Variants in ZNF487 observed in about 807,000 individuals in gnomAD.
ZNF487 encodes the protein KRAB domain only 1.
In ZNF487, 4 loss-of-function variants were observed where a neutral mutation model predicts 3.0. That is an observed-to-expected ratio of 1.35 (90% CI 0.66 to 3.08). The LOEUF is 3.08. ZNF487 is among the 30% of genes most tolerant of loss of function. The pLI, the probability that ZNF487 is intolerant of heterozygous loss-of-function variation, is 0.01. For synonymous variants in ZNF487, 55 were observed against 34.6 expected (o/e 1.59, Z -2.06); for missense variants, 146 against 98.7 (o/e 1.48, Z -2.03).
intron 1 of ZNF487, among the ~76,000 whole-genome samples, chr10:43,440,140 C>A (rs1839545274): frequency 6.6e-6 from 1 of 151,122 alleles, no homozygotes; most frequent in Non-Finnish European, 1.5e-5. Context: ...CCTCTGCCTG[C>A]CCGGCTCAAG....
the ZNF487 span, among the ~76,000 whole-genome samples, chr10:43,490,655 G>C: frequency 7.0e-6 from 1 of 143,476 alleles, no homozygotes; most frequent in Non-Finnish European, 1.5e-5. Context: ...GATTACAGGT[G>C]CCCGCCACCA....
intron 3 of ZNF487, among the ~76,000 whole-genome samples, chr10:43,479,926 G>C (rs1841247431): frequency 6.6e-6 from 1 of 151,786 alleles, no homozygotes; most frequent in South Asian, 2.1e-4. Flanking sequence ...AAAGTGCTGG[G>C]ATTACAGGTG....
In ZNF487 at chr10:43,482,481, C is replaced by T. The variant is rs574682489; in HGVS notation, c.*559C>T. ...CTTGCAGTACATCAAAGAACACACA[C>T]GGGACAAAACCTATGAATGTAATGA... On this transcript the variant is annotated 3_prime_UTR_variant, in exon 4 of 4. Transcript: ENST00000437590. 4.3e-3 allele frequency: 2,028 copies of T among 471,742 alleles called. 8 individuals carry two copies. Among genetic ancestry groups the T allele is most frequent in the Non-Finnish European group, 5.1e-3 (1,173 of 230,894 alleles). 29.2% of individuals were successfully genotyped at this position (471,742 alleles called of 1,614,324 possible). A position where few individuals can be genotyped will look rare whatever the true frequency, so the allele number is the denominator to read the frequency against.
At chr10:43,518,181 A>G in the ZNF487 span, among the ~76,000 whole-genome samples, 3 of 152,210 alleles carry the variant, frequency 2.0e-5, no homozygotes, top group African/African-American at 4.8e-5. Context: ...ACCTCACCTG[A>G]ACACACCTTT....
At chr10:43,521,219 A>G in the ZNF487 span, among the ~76,000 whole-genome samples, 8 of 152,198 alleles carry the variant, frequency 5.3e-5, no homozygotes, top group East Asian at 1.5e-3. Flanking sequence ...CATTTTTGTT[A>G]GCTAATCCAT....
At chr10:43,464,574 CTT>C (rs1488050234) in intron 1 of ZNF487, among the ~76,000 whole-genome samples, 2 of 152,206 alleles carry the variant, frequency 1.3e-5, no homozygotes, top group African/African-American at 2.4e-5. Context: ...GGTGATGACT[CTT>C]GATGAGCATG....
At chr10:43,437,414 G>C (rs947639971) in intron 1 of ZNF487, among the ~76,000 whole-genome samples, 152 bp downstream of exon 1, 1 of 152,236 alleles carries the variant, frequency 6.6e-6, no homozygotes, top group East Asian at 1.9e-4. Context: ...GAGGATCTTT[G>C]ACCCCAGTGC....
chr10:43,508,275 T>C, the ZNF487 span, among the ~76,000 whole-genome samples: 1 of 152,168 alleles, frequency 6.6e-6, no homozygotes, highest in Non-Finnish European at 1.5e-5. Context: ...ATGAGCAGAA[T>C]AAAAAGAACT....
intron 2 of ZNF487, 127 bp from the exon 3 acceptor site, chr10:43,475,980 G>A (rs1841085944): frequency 1.5e-6 from 1 of 664,630 alleles, no homozygotes; most frequent in Non-Finnish European, 2.8e-6. Context: ...GATCCCTTCT[G>A]GGCACTGTAA....
At chr10:43,455,866 A>G (rs768325523) in intron 1 of ZNF487, among the ~76,000 whole-genome samples, 1 of 152,192 alleles carries the variant, frequency 6.6e-6, no homozygotes, top group South Asian at 2.1e-4. Flanking sequence ...AGTGGGGACT[A>G]CGGGGACGCT....
chr10:43,456,529 G>T (rs1840209402), intron 1 of ZNF487, among the ~76,000 whole-genome samples: 1 of 152,178 alleles, frequency 6.6e-6, no homozygotes, highest in Non-Finnish European at 1.5e-5. Flanking sequence ...CATTTTCAGG[G>T]TTGAGAGAAC....
chr10:43,484,853 A>G (rs905332364), downstream of ZNF487, among the ~76,000 whole-genome samples: 2 of 152,218 alleles, frequency 1.3e-5, no homozygotes, highest in Non-Finnish European at 2.9e-5. Flanking sequence ...GACACTTTCT[A>G]TATTAGGATC....
At chr10:43,483,230 T>C (rs966511092), downstream of ZNF487, 16 of 381,286 alleles carry the variant, frequency 4.2e-5, no homozygotes, top group African/African-American at 3.4e-4. Flanking sequence ...TATCTTCTTT[T>C]CTTTTCTTTT....
At chr10:43,497,168 A>C in the ZNF487 span, among the ~76,000 whole-genome samples, 1 of 152,124 alleles carries the variant, frequency 6.6e-6, no homozygotes, top group African/African-American at 2.4e-5. Context: ...TCATTCAACA[A>C]GTATGAAGTT....
chr10:43,478,828 TAAAC>T (rs1219346935), intron 3 of ZNF487, among the ~76,000 whole-genome samples: 1 of 151,278 alleles, frequency 6.6e-6, no homozygotes, highest in Non-Finnish European at 1.5e-5. Flanking sequence ...GTCCAAATAA[TAAAC>T]AAAATAGAAT....
intron 1 of ZNF487, among the ~76,000 whole-genome samples, chr10:43,466,652 C>T (rs982729253): frequency 6.6e-6 from 1 of 152,122 alleles, no homozygotes; most frequent in Non-Finnish European, 1.5e-5. Context: ...CCACCCGCCT[C>T]GGCATCCCAT....
At chr10:43,469,851 G>C (rs998965034) in intron 1 of ZNF487, among the ~76,000 whole-genome samples, 1 of 151,894 alleles carries the variant, frequency 6.6e-6, no homozygotes, top group African/African-American at 2.4e-5. Flanking sequence ...TCAGGAGACT[G>C]AGGCATGAGA....
At position 43,448,544 on chromosome 10, in the gene ZNF487, G is replaced by C. The variant is rs569215860; in HGVS notation, c.-94+11282G>C. Among the ~76,000 whole-genome samples, 208 of 151,670 alleles carry C rather than the reference G, an allele frequency of 1.4e-3. 1 individual carries two copies. The highest frequency in any genetic ancestry group is 3.4e-3 in the Middle Eastern group (1 of 294). On this transcript the variant is annotated intron_variant, in intron 1 of 3. Coordinates refer to ENST00000437590, the MANE Select transcript of ZNF487 (RefSeq NM_001355444.3). ...TAAGGAGATGGGGTCGGCTGGGTGC[G>C]GTGGCTCCTGCCTGTAATCCCAGCA... is the stretch of plus-strand genomic sequence containing the variant.
chr10:43,460,057 C>T lies in ZNF487; in HGVS notation c.-93-15664C>T, dbSNP rs564841306. Among the ~76,000 whole-genome samples the T allele has an allele frequency of 8.7e-5, 13 of 149,030 alleles. No individual in the cohort carries two copies. The East Asian group carries it at 2.5e-3, about 29-fold the overall frequency. ...GACCTCATGATCTGCCCGCCTTGGC[C>T]TCCCAAAGTACTGGGATTATAGGCA... On this transcript the variant is annotated intron_variant, in intron 1 of 3. Transcript: ENST00000437590.
Sources: gnomAD v4.1 joint callset for allele counts (sites outside exome capture counted in the v4.1 genomes callset) on GRCh38, gnomAD v4.1.1 for gene constraint, MANE v1.5 for transcripts, NCBI Gene and HGNC (gene_info 2026-07-23, HGNC 2026-07-21) for gene names.